EDF1: variants seen among roughly 807,000 people sequenced by gnomAD.
The protein encoded by EDF1 is endothelial differentiation related factor 1, also known as endothelial differentiation-related factor 1.
A neutral mutation model predicts 20.8 loss-of-function variants in EDF1; 5 were observed. That is an observed-to-expected ratio of 0.24 (90% CI 0.13 to 0.51). EDF1 has a LOEUF of 0.51. Ranked by LOEUF, EDF1 falls within the 20% of genes least tolerant of loss-of-function variation. The pLI is 0.97. For missense variants in EDF1, 137 were observed against 197.8 expected (o/e 0.69, Z 1.84); for synonymous variants, 96 against 78.5 (o/e 1.22, Z -1.18).
chr9:136,866,013 C>T (rs1215077501), intron 1 of EDF1, among the ~76,000 whole-genome samples, 168 bp downstream of exon 1: 1 of 149,994 alleles, frequency 6.7e-6, no homozygotes, highest in East Asian at 2.0e-4. Flanking sequence ...TGCGATTCGC[C>T]CCGCCCTTCG....
chr9:136,866,162 T>C lies in EDF1; in HGVS notation c.78+19A>G. On this transcript the variant is annotated intron_variant, in intron 1 of 4. Coordinates refer to ENST00000224073, the MANE Select transcript of EDF1 (RefSeq NM_003792.4). ...CGTCCGCCCCGCCCGGCCCGGCCGC[T>C]CCTCAGTCAGCAAAGCACCTGCTTG... The C allele has an allele frequency of 1.3e-6, 2 of 1,589,214 alleles. No homozygotes were observed. The highest frequency in any genetic ancestry group is 1.7e-6 in the Non-Finnish European group (2 of 1,171,030).
intron 1 of EDF1, 102 bp downstream of exon 1, chr9:136,866,079 C>T (rs1406654407): frequency 1.1e-5 from 14 of 1,256,090 alleles, no homozygotes; most frequent in Non-Finnish European, 1.5e-5. Context: ...CGCCCTGTCC[C>T]AGGCCCCGCC....
In EDF1 at chr9:136,863,552, G is replaced by A; in HGVS notation, c.131-104C>T. On this transcript the variant is annotated intron_variant, in intron 2 of 4. Transcript: ENST00000224073. The surrounding 1 kb of genome is among the most constrained non-coding windows in gnomAD (Gnocchi z 4.5). ...GACCCCAGAGGCTGCCTGAACTCAA[G>A]GGGACATGGGAACCCAGGCTGTCCC... is the stretch of plus-strand genomic sequence containing the variant. 1 of 1,423,030 alleles carries A rather than the reference G, an allele frequency of 7.0e-7. No homozygotes were observed. Among genetic ancestry groups the A allele is most frequent in the Admixed American group, 2.3e-5 (1 of 42,920 alleles). 88.2% of individuals were successfully genotyped at this position (1,423,030 alleles called of 1,614,324 possible).
At position 136,862,972 on chromosome 9, in the gene EDF1, C is replaced by T. The variant is rs201413596; in HGVS notation, c.319G>A (p.Ala107Thr). 7.9e-5 allele frequency: 128 copies of T among 1,613,930 alleles called. No individual in the cohort carries two copies. The highest frequency in any genetic ancestry group is 5.1e-6 in the Non-Finnish European group (6 of 1,180,040). The part of the protein sequence containing the change: ...TKINEKPQVI[A>T]DYESGRAIPN... ...ATGGCCCGTCCGCTCTCATAGTCCGCGATCACCTGTGGCTTCTCATTGATT... is the reference window on the plus strand; with the variant it reads ...ATGGCCCGTCCGCTCTCATAGTCCGTGATCACCTGTGGCTTCTCATTGATT... Residue 107 changes from alanine to threonine, a missense_variant, in exon 4 of 5, where the codon GCG (alanine) becomes ACG (threonine). Physicochemically the swap from Ala to Thr is moderately conservative, Grantham distance 58 (BLOSUM62 0). Transcript: ENST00000224073. This position sits in a 1 kb window ranked among gnomAD's most constrained non-coding sequence, Gnocchi z 4.1.
rs1849153170 is a variant in EDF1 at position 136,863,518 on chromosome 9, C to T, written c.131-70G>A. ...AACCTGAAGAAAAACCATTTCAAAG[C>T]GGTAACCAGACCCCAGAGGCTGCCT... On this transcript the variant is annotated intron_variant, in intron 2 of 4. Coordinates refer to ENST00000224073, the MANE Select transcript of EDF1 (RefSeq NM_003792.4). The surrounding 1 kb of genome is among the most constrained non-coding windows in gnomAD (Gnocchi z 4.5). 7 of 1,539,578 alleles carry T rather than the reference C, an allele frequency of 4.5e-6. No individual in the cohort carries two copies. In the East Asian group the frequency reaches 6.9e-5, roughly 15 times the overall value.
intron 1 of EDF1, 126 bp downstream of exon 1, chr9:136,866,055 G>C (rs1849218768): frequency 1.2e-6 from 1 of 836,600 alleles, no homozygotes. Flanking sequence ...CCCCAGCCTT[G>C]TCCCCGTCCC....
At chr9:136,865,425 C>T (rs1288064634) in intron 1 of EDF1, among the ~76,000 whole-genome samples, 3 of 151,980 alleles carry the variant, frequency 2.0e-5, no homozygotes, top group Admixed American at 6.6e-5. Context: ...CCAGTAGAAC[C>T]AAGCAGGTCC....
At chr9:136,864,934 C>T (rs1310773873) in intron 1 of EDF1, among the ~76,000 whole-genome samples, 1 of 152,200 alleles carries the variant, frequency 6.6e-6, no homozygotes, top group Non-Finnish European at 1.5e-5. Flanking sequence ...ACATTTCTAC[C>T]ACTTCAGAGG....
intron 1 of EDF1, among the ~76,000 whole-genome samples, chr9:136,864,346 G>C (rs1276959154): frequency 1.3e-5 from 2 of 149,678 alleles, no homozygotes; most frequent in Non-Finnish European, 3.0e-5. Context: ...GGGCTCAAGT[G>C]AGCCTCTGGC....
intron 1 of EDF1, among the ~76,000 whole-genome samples, chr9:136,865,752 C>G (rs1849207529): frequency 3.3e-5 from 5 of 151,614 alleles, no homozygotes; most frequent in Admixed American, 3.3e-4. Context: ...AGGCCCCCAG[C>G]CTTGTCCCCG....
chr9:136,864,271 GA>G (rs1337437168), intron 1 of EDF1, among the ~76,000 whole-genome samples: 7 of 149,062 alleles, frequency 4.7e-5, no homozygotes, highest in South Asian at 4.4e-4. Flanking sequence ...ACACACTAGG[GA>G]TTTTTTTTTT....
In EDF1 at chr9:136,862,621, C is replaced by T. The variant is rs1380079611; in HGVS notation, c.386-276G>A. 9 of 1,521,188 alleles carry T rather than the reference C, an allele frequency of 5.9e-6. No homozygotes were observed. The highest frequency in any genetic ancestry group is 7.9e-6 in the Non-Finnish European group (9 of 1,140,470). 94.2% of individuals were successfully genotyped at this position (1,521,188 alleles called of 1,614,324 possible). A position where few individuals can be genotyped will look rare whatever the true frequency, so the allele number is the denominator to read the frequency against. On this transcript the variant is annotated intron_variant, in intron 4 of 4. Coordinates refer to ENST00000224073, the MANE Select transcript of EDF1 (RefSeq NM_003792.4). The surrounding 1 kb of genome is among the most constrained non-coding windows in gnomAD (Gnocchi z 4.1). ...CGGCCCCATGCTGACAGGGCCCGGA[C>T]CCGCTGTGCTCAGGCTCAGAGAACC...
rs1450746007 is a variant in EDF1 at position 136,862,967 on chromosome 9, G to T, written c.324C>A (p.Asp108Glu). The T allele has an allele frequency of 1.2e-6, 2 of 1,614,034 alleles. No individual in the cohort carries two copies. The highest frequency in any genetic ancestry group is 3.3e-5 in the Admixed American group (2 of 60,022). Residue 108 changes from aspartate (D) to glutamate (E), a missense_variant, in exon 4 of 5, where the codon GAC becomes GAA. Physicochemically the swap from Asp to Glu is conservative, Grantham distance 45. Coordinates refer to ENST00000224073, the MANE Select transcript of EDF1 (RefSeq NM_003792.4). This position sits in a 1 kb window ranked among gnomAD's most constrained non-coding sequence, Gnocchi z 4.1. ...KINEKPQVIA[D>E]YESGRAIPNN... ...TGGGTATGGCCCGTCCGCTCTCATA[G>T]TCCGCGATCACCTGTGGCTTCTCAT... is the stretch of plus-strand genomic sequence containing the variant.
chr9:136,863,738 G>A lies in EDF1; in HGVS notation c.130+82C>T. 1.9e-5 allele frequency: 30 copies of A among 1,543,732 alleles called. No individual in the cohort carries two copies. Among genetic ancestry groups the A allele is most frequent in the Non-Finnish European group, 2.7e-5 (30 of 1,120,994 alleles). On this transcript the variant is annotated intron_variant, in intron 2 of 4. Transcript: ENST00000224073. This position sits in a 1 kb window ranked among gnomAD's most constrained non-coding sequence, Gnocchi z 4.5. ...AGGCACTCAGCTGACAACGTCCCCG[G>A]GGGCGCCGCACACACCACACCCACC...
chr9:136,864,331 C>T (rs1251035045), intron 1 of EDF1, among the ~76,000 whole-genome samples: 1 of 148,948 alleles, frequency 6.7e-6, no homozygotes, highest in East Asian at 2.0e-4. Context: ...TGGTCTGGAA[C>T]TCCTGGGCTC....
rs1849177992 is a variant in EDF1 at position 136,864,618 on chromosome 9, T to C, written c.79-747A>G. 2.6e-5 allele frequency among the ~76,000 whole-genome samples: 4 copies of C among 151,624 alleles called. No individual in the cohort carries two copies. In the South Asian group the frequency reaches 8.3e-4, roughly 31 times the overall value. On this transcript the variant is annotated intron_variant, in intron 1 of 4. Coordinates refer to ENST00000224073, the MANE Select transcript of EDF1 (RefSeq NM_003792.4). The stretch of plus-strand genomic sequence containing the variant: ...CTACAGTCACTGAATATTAATATAA[T>C]GTATTTATTAACTTTTTTTTTTTGA...
Position 136,863,254 on chromosome 9 carries a change from A to G in EDF1, c.291+34T>C, listed in dbSNP as rs1849145184. On this transcript the variant is annotated intron_variant, in intron 3 of 4. Transcript: ENST00000224073. The surrounding 1 kb of genome is among the most constrained non-coding windows in gnomAD (Gnocchi z 4.5). Reference sequence around the variant, plus strand: ...CGGCCATCCCCCTCCCCAAACCCACAACCCCAGGAGTGAGAGCCCCGGCGC... The same window carrying G: ...CGGCCATCCCCCTCCCCAAACCCACGACCCCAGGAGTGAGAGCCCCGGCGC... The G allele has an allele frequency of 6.3e-7, 1 of 1,594,628 alleles. No individual in the cohort carries two copies. Among genetic ancestry groups the G allele is most frequent in the African/African-American group, 1.3e-5 (1 of 74,534 alleles).
chr9:136,863,337 A>G lies in EDF1; in HGVS notation c.242T>C (p.Ile81Thr). 1 of 1,613,980 alleles carries G rather than the reference A, an allele frequency of 6.2e-7. No individual in the cohort carries two copies. The highest frequency in any genetic ancestry group is 8.5e-7 in the Non-Finnish European group (1 of 1,179,992). ...DRVTLEVGKV[I>T]QQGRQSKGLT... ...CCCCTTGCTCTGCCGACCTTGCTGG[A>G]TCACCTTGCCCACCTCCAGGGTCAC... The change falls in exon 3 of 5, where the codon ATC becomes ACC. Residue 81 changes from isoleucine to threonine, a missense_variant. Coordinates refer to ENST00000224073, the MANE Select transcript of EDF1 (RefSeq NM_003792.4). The surrounding 1 kb of genome is among the most constrained non-coding windows in gnomAD (Gnocchi z 4.5).
At chr9:136,865,895 C>T (rs1020506913) in intron 1 of EDF1, among the ~76,000 whole-genome samples, 3 of 149,072 alleles carry the variant, frequency 2.0e-5, no homozygotes, top group Non-Finnish European at 3.0e-5. Flanking sequence ...CGGTTCCCTG[C>T]TCCTCTCCTC....
Sources: gnomAD v4.1 joint callset for allele counts (sites outside exome capture counted in the v4.1 genomes callset) on GRCh38, gnomAD v4.1.1 for gene constraint, Gnocchi (gnomAD v3.1) non-coding constraint, MANE v1.5 for transcripts, NCBI Gene and HGNC (gene_info 2026-07-23, HGNC 2026-07-21) for gene names.